Variants in VPS35 observed in about 807,000 individuals in gnomAD.
The protein encoded by VPS35 is VPS35 retromer complex component.
VPS35 carries 21 observed loss-of-function variants against 98.1 expected under a neutral mutation model. The ratio of observed to expected loss-of-function variants is 0.21; its 90% CI spans 0.15 to 0.31. The LOEUF (loss-of-function observed/expected upper bound fraction) is 0.31. Among genes scored for constraint, VPS35 ranks in the 10% least tolerant of loss-of-function variants. The probability of loss-of-function intolerance (pLI) is 1.00; values close to 1 mark genes in which losing one functional copy is unlikely to be tolerated. For missense variants in VPS35, 554 were observed against 950.8 expected (o/e 0.58, Z 5.49); for synonymous variants, 268 against 318.2 (o/e 0.84, Z 1.68).
chr16:46,668,786 T>C (rs530342480), intron 13 of VPS35, 144 bp downstream of exon 13: 5 of 1,145,344 alleles, frequency 4.4e-6, no homozygotes, highest in East Asian at 2.6e-5. Context: ...AAGTAACAAA[T>C]AGAGAGTTGG....
intron 8 of VPS35, among the ~76,000 whole-genome samples, chr16:46,676,137 A>T (rs1966147721): frequency 6.6e-6 from 1 of 151,880 alleles, no homozygotes; most frequent in Non-Finnish European, 1.5e-5. Context: ...GATACTTAAA[A>T]TTTTTTCTTT....
intron 12 of VPS35, 60 bp downstream of exon 12, chr16:46,671,645 A>C (rs1179949989): frequency 2.9e-5 from 46 of 1,605,232 alleles, no homozygotes; most frequent in East Asian, 1.3e-4. Flanking sequence ...CATTTTAAGC[A>C]CTTGAACATG....
rs202008963 is a variant in VPS35 at position 46,675,819 on chromosome 16, C to CT, written c.914+763dup. 8.0e-3 allele frequency among the ~76,000 whole-genome samples: 1,213 copies of CT among 152,146 alleles called. 19 individuals are homozygous for CT. The highest frequency in any genetic ancestry group is 0.027 in the African/African-American group (1,130 of 41,504). ...GTGGCTCATGTCTGTAATCCCAGCA[C>CT]TTTGGGAAGCTGAGGCAGGCAGATC... On this transcript the variant is annotated intron_variant, in intron 8 of 16. Transcript: ENST00000299138.
rs888476663 is a variant in VPS35, at chr16:46,681,987, C to T, written c.199+92G>A. On this transcript the variant is annotated intron_variant, in intron 3 of 16. Coordinates refer to ENST00000299138, the MANE Select transcript of VPS35 (RefSeq NM_018206.6). ...ACTCAGATAACGAAGAATAAGATAA[C>T]TCCAGAAAAACTTCATAAAGAACAA... The T allele has an allele frequency of 6.1e-5, 58 of 948,056 alleles. No homozygotes were observed. In the African/African-American group the frequency reaches 7.7e-4, roughly 13 times the overall value. 58.7% of individuals were successfully genotyped at this position (948,056 alleles called of 1,614,324 possible). A position where few individuals can be genotyped will look rare whatever the true frequency, so the allele number is the denominator to read the frequency against.
At chr16:46,662,863 G>A (rs892692478) in intron 14 of VPS35, 120 bp downstream of exon 14, 1 of 1,070,630 alleles carries the variant, frequency 9.3e-7, no homozygotes, top group Non-Finnish European at 1.4e-6. Flanking sequence ...ATGGTGGGAA[G>A]GTGGTAGTTA....
chr16:46,669,095 A>T lies in VPS35; in HGVS notation c.1525-43T>A, dbSNP rs199836406. ...AAGAAAAAAAAATTTCCAAACTCTG[A>T]TTAATCATTTGTGAAATAAATGTGG... On this transcript the variant is annotated intron_variant, in intron 12 of 16. Coordinates refer to ENST00000299138, the MANE Select transcript of VPS35 (RefSeq NM_018206.6). The T allele has an allele frequency of 1.9e-4, 304 of 1,612,556 alleles. 2 individuals carry two copies. The highest frequency in any genetic ancestry group is 2.4e-4 in the Non-Finnish European group (288 of 1,178,716).
intron 10 of VPS35, 152 bp from the exon 11 acceptor site, chr16:46,672,624 C>A: frequency 1.5e-6 from 1 of 658,590 alleles, no homozygotes; most frequent in Non-Finnish European, 2.6e-6. Context: ...ATAACAACCT[C>A]CTTTCAGGAG....
chr16:46,688,627 G>C, intron 1 of VPS35: 1 of 1,010,770 alleles, frequency 9.9e-7, no homozygotes, highest in Non-Finnish European at 1.2e-6. Flanking sequence ...GCGGGTATGA[G>C]GCCAAGAAAG....
At chr16:46,665,723 G>C (rs1309882748) in intron 13 of VPS35, among the ~76,000 whole-genome samples, 1 of 152,080 alleles carries the variant, frequency 6.6e-6, no homozygotes, top group Non-Finnish European at 1.5e-5. Flanking sequence ...TTGATCCCCA[G>C]AATTTTTTTA....
intron 1 of VPS35, chr16:46,688,923 A>G: frequency 6.8e-7 from 1 of 1,462,396 alleles, no homozygotes; most frequent in South Asian, 1.4e-5. Context: ...CAACGGCCGC[A>G]GCCAAGAGCC....
chr16:46,666,604 T>C (rs1022687403), intron 13 of VPS35, among the ~76,000 whole-genome samples: 30 of 152,156 alleles, frequency 2.0e-4, no homozygotes, highest in Admixed American at 2.0e-3. Flanking sequence ...CTTGCTATAT[T>C]ACCCAGGCTG....
In VPS35 at chr16:46,661,813, T is replaced by G. The variant is rs761527195; in HGVS notation, c.2116A>C (p.Ile706Leu). 6.2e-6 allele frequency: 10 copies of G among 1,614,052 alleles called. No homozygotes were observed. In the East Asian group the frequency reaches 2.0e-4, roughly 32 times the overall value. Reference protein sequence around the residue: ...VMECLKKALKIANQCMDPSLQ... With the variant: ...VMECLKKALKLANQCMDPSLQ... The stretch of plus-strand genomic sequence containing the variant: ...GAGGGGTCCATGCACTGATTTGCTA[T>G]TTTTAGAGCTTTTTTTAGGCACTCC... Residue 706 changes from isoleucine to leucine, a missense_variant, in exon 16 of 17, where the codon ATA becomes CTA. Coordinates refer to ENST00000299138, the MANE Select transcript of VPS35 (RefSeq NM_018206.6). This position sits in a 1 kb window ranked among gnomAD's most constrained non-coding sequence, Gnocchi z 4.3.
chr16:46,688,916 C>G, intron 1 of VPS35: 2 of 1,459,162 alleles, frequency 1.4e-6, no homozygotes, highest in East Asian at 2.5e-5. Context: ...CTCTCAGCAA[C>G]GGCCGCAGCC....
chr16:46,666,167 G>A (rs1965985796), intron 13 of VPS35, among the ~76,000 whole-genome samples: 1 of 151,742 alleles, frequency 6.6e-6, no homozygotes. Context: ...GCCTCCCAAA[G>A]TGCTAGGATG....
At chr16:46,678,483 TG>T (rs1216452866) in intron 6 of VPS35, among the ~76,000 whole-genome samples, 2 of 152,218 alleles carry the variant, frequency 1.3e-5, no homozygotes, top group Non-Finnish European at 2.9e-5. Context: ...AGGTAAAGTT[TG>T]CCATTCCCTG....
Position 46,677,189 on chromosome 16 carries a change from C to A in VPS35, c.804+126G>T, listed in dbSNP as rs182864023. On this transcript the variant is annotated intron_variant, in intron 7 of 16. Coordinates refer to ENST00000299138, the MANE Select transcript of VPS35 (RefSeq NM_018206.6). ...GAGATTACAGGTGTGAGTCACCACA[C>A]CCCGCAAGGAAAACTCTTTATTCAG... 3.2e-5 allele frequency: 28 copies of A among 873,574 alleles called. No individual in the cohort carries two copies. In the African/African-American group the frequency reaches 4.2e-4, roughly 13 times the overall value. The allele number at this position is 873,574 out of a possible 1,614,324, so 54.1% of individuals were successfully genotyped here. A position where few individuals can be genotyped will look rare whatever the true frequency, so the allele number is the denominator to read the frequency against.
chr16:46,681,475 G>A lies in VPS35; in HGVS notation c.225C>T (p.His75=). The change falls in exon 4 of 17, where the codon CAC becomes CAT. Residue 75 remains histidine (H), a synonymous_variant. Coordinates refer to ENST00000299138, the MANE Select transcript of VPS35 (RefSeq NM_018206.6). ...CATCTGTCAGGTAGACCTCCAAGTA[G>A]TGCAGTTCATCAGAAATGGCCATAT... ...ELYMAISDEL[H]YLEVYLTDEF... 3 of 1,613,170 alleles carry A rather than the reference G, an allele frequency of 1.9e-6. No individual in the cohort carries two copies. The highest frequency in any genetic ancestry group is 2.2e-5 in the East Asian group (1 of 44,826).
chr16:46,668,824 T>C, intron 13 of VPS35, 106 bp downstream of exon 13: 1 of 1,481,798 alleles, frequency 6.7e-7, no homozygotes, highest in Non-Finnish European at 9.3e-7. Flanking sequence ...TATACCACTG[T>C]CTATTTTTGT....
Position 46,672,458 on chromosome 16 carries a change from C to T in VPS35, c.1175G>A (p.Ser392Asn). Reference sequence around the variant, plus strand: ...TCTGGTGAGTTCCTTTGAAACTGCACTACTGGTAGCAATACTACAAAAAGA... The same window carrying T: ...TCTGGTGAGTTCCTTTGAAACTGCATTACTGGTAGCAATACTACAAAAAGA... ...KLNLEHIATSSAVSKELTRLL... is the reference protein window; with the variant it reads ...KLNLEHIATSNAVSKELTRLL... Residue 392 changes from serine to asparagine, a missense_variant, in exon 11 of 17, where the codon AGT (serine) becomes AAT (asparagine). Ser to Asn is a conservative substitution (Grantham distance 46). Transcript: ENST00000299138. 1.2e-6 allele frequency: 2 copies of T among 1,612,406 alleles called. No individual in the cohort carries two copies. Among genetic ancestry groups the T allele is most frequent in the South Asian group, 2.2e-5 (2 of 91,016 alleles).
Sources: allele counts gnomAD v4.1 joint callset (sites outside exome capture counted in the v4.1 genomes callset), GRCh38; gene constraint gnomAD v4.1.1; non-coding constraint Gnocchi (gnomAD v3.1); transcripts MANE v1.5; gene names NCBI Gene and HGNC (gene_info 2026-07-23, HGNC 2026-07-21).